CD200R1: variants seen among roughly 807,000 people sequenced by gnomAD.
CD200R1 encodes cell surface glycoprotein CD200 receptor 1.
In CD200R1, 30 loss-of-function variants were observed where a neutral mutation model predicts 38.1. The observed-to-expected ratio is 0.79, with a 90% CI of 0.59 to 1.07. The LOEUF is 1.07. Among genes scored for constraint, CD200R1 ranks in the 50% least tolerant of loss-of-function variants. The probability of loss-of-function intolerance (pLI) is 0.00; values close to 1 mark genes in which losing one functional copy is unlikely to be tolerated. For missense variants in CD200R1, 372 were observed against 415.4 expected, an observed-to-expected ratio of 0.90 and a Z score of 0.91; for synonymous variants, 128 against 152.1, an observed-to-expected ratio of 0.84 and a Z score of 1.16.
intron 3 of CD200R1, among the ~76,000 whole-genome samples, chr3:112,930,847 A>G (rs1427175650): frequency 6.6e-6 from 1 of 152,252 alleles, no homozygotes; most frequent in Non-Finnish European, 1.5e-5. Flanking sequence ...ATACTTTAAC[A>G]TAGATCTGAG....
At chr3:112,967,237 G>A in intron 1 of CD200R1, among the ~76,000 whole-genome samples, 1 of 151,880 alleles carries the variant, frequency 6.6e-6, no homozygotes, top group East Asian at 1.9e-4. Context: ...TTAACCCCTT[G>A]AACTTCAACT....
At chr3:112,945,846 G>A (rs1940838578) in intron 2 of CD200R1, among the ~76,000 whole-genome samples, 1 of 151,970 alleles carries the variant, frequency 6.6e-6, no homozygotes, top group Non-Finnish European at 1.5e-5. Flanking sequence ...TGGCTAACAC[G>A]GTGAAACCCC....
chr3:112,955,281 T>G (rs915059941), intron 1 of CD200R1, among the ~76,000 whole-genome samples: 3 of 152,174 alleles, frequency 2.0e-5, no homozygotes, highest in Admixed American at 6.5e-5. Context: ...AAATGTGATG[T>G]CTCACTGAAC....
intron 1 of CD200R1, among the ~76,000 whole-genome samples, chr3:112,948,842 C>T (rs1402153954): frequency 2.0e-5 from 3 of 152,186 alleles, no homozygotes; most frequent in Non-Finnish European, 4.4e-5. Flanking sequence ...TCATAATAAA[C>T]AATATCCCCT....
At position 112,928,871 on chromosome 3, in the gene CD200R1, G is replaced by A. The variant is rs745820042; in HGVS notation, c.714C>T (p.Thr238=). ...HWEVHNVSTV[T]CHVSHLTGNK... ...TGCCAGTCAAATGGGAGACGTGGCAGGTCACGGTAGACACATTGTGGACCT... is the reference window on the plus strand; with the variant it reads ...TGCCAGTCAAATGGGAGACGTGGCAAGTCACGGTAGACACATTGTGGACCT... The change falls in exon 5 of 8, where the codon ACC becomes ACT. Residue 238 remains threonine (T), a synonymous_variant. Coordinates refer to ENST00000308611, the MANE Select transcript of CD200R1 (RefSeq NM_138806.4). The A allele has an allele frequency of 1.9e-6, 3 of 1,613,940 alleles. No individual in the cohort carries two copies. The highest frequency in any genetic ancestry group is 2.5e-6 in the Non-Finnish European group (3 of 1,179,996).
intron 2 of CD200R1, among the ~76,000 whole-genome samples, chr3:112,933,753 T>A (rs184905350): frequency 1.3e-3 from 191 of 152,074 alleles, no homozygotes; most frequent in Admixed American, 2.6e-3. Context: ...AGGAAAACAA[T>A]TTGTGATTTA....
At chr3:112,926,313 G>A (rs568868660) in intron 5 of CD200R1, among the ~76,000 whole-genome samples, 2 of 152,272 alleles carry the variant, frequency 1.3e-5, no homozygotes, top group African/African-American at 4.8e-5. Flanking sequence ...GAGCAGGCTG[G>A]CCTCTGGTCC....
Position 112,921,573 on chromosome 3 carries a change from C to T in CD200R1, c.*2104G>A, listed in dbSNP as rs914707494. On this transcript the variant is annotated 3_prime_UTR_variant, in exon 8 of 8. Transcript: ENST00000308611. ...AATGTTATTTGTAAAATGTAATCGA[C>T]TATGTAAGTAATCACACCTAACTCC... 6.6e-6 allele frequency: 1 copy of T among 151,954 alleles called. No individual in the cohort carries two copies. The highest frequency in any genetic ancestry group is 1.5e-5 in the Non-Finnish European group (1 of 67,960). 9.4% of individuals were successfully genotyped at this position (151,954 alleles called of 1,614,324 possible).
chr3:112,957,533 T>G (rs531457791), intron 1 of CD200R1, among the ~76,000 whole-genome samples: 1 of 152,330 alleles, frequency 6.6e-6, no homozygotes, highest in Non-Finnish European at 1.5e-5. Context: ...AAGCTAAAAC[T>G]GTAATACCCC....
chr3:112,957,342 A>G (rs1392529838), intron 1 of CD200R1, among the ~76,000 whole-genome samples: 2 of 152,084 alleles, frequency 1.3e-5, no homozygotes, highest in East Asian at 3.8e-4. Flanking sequence ...TTTGTGCTCC[A>G]CCCTCCAACC....
Position 112,929,749 on chromosome 3 carries a change from A to AT in CD200R1, c.203-243dup, listed in dbSNP as rs987983329. On this transcript the variant is annotated intron_variant, in intron 3 of 7. Transcript: ENST00000308611. ...TTAGAAATATGATATATAATAAAGTATTTTTTATATTAATGGAGAAGTTTT... is the reference window on the plus strand; with the variant it reads ...TTAGAAATATGATATATAATAAAGTATTTTTTTATATTAATGGAGAAGTTTT... 1.8e-4 allele frequency among the ~76,000 whole-genome samples: 28 copies of AT among 152,086 alleles called. 1 individual carries two copies. Among genetic ancestry groups the AT allele is most frequent in the Admixed American group, 1.8e-3 (28 of 15,270 alleles).
chr3:112,946,797 G>A (rs1225696360), intron 2 of CD200R1, among the ~76,000 whole-genome samples: 1 of 152,144 alleles, frequency 6.6e-6, no homozygotes, highest in Non-Finnish European at 1.5e-5. Flanking sequence ...TTTACCCTAA[G>A]AGTTGAAAAC....
Position 112,931,160 on chromosome 3 carries a change from A to T in CD200R1, c.148T>A (p.Leu50Ile). 2 of 1,601,236 alleles carry T rather than the reference A, an allele frequency of 1.2e-6. No homozygotes were observed. Among genetic ancestry groups the T allele is most frequent in the Non-Finnish European group, 1.7e-6 (2 of 1,168,280 alleles). The part of the protein sequence containing the change: ...KENHALASSS[L>I]CMDEKQITQN... ...GTAATCTGTTTTTCATCCATACATAAACTGCTTGAAGCTAGAAAATATTTA... is the reference window on the plus strand; with the variant it reads ...GTAATCTGTTTTTCATCCATACATATACTGCTTGAAGCTAGAAAATATTTA... Residue 50 changes from leucine (L) to isoleucine (I), a missense_variant, in exon 3 of 8, where the codon TTA (leucine) becomes ATA (isoleucine). Physicochemically the swap from Leu to Ile is conservative, Grantham distance 5. Coordinates refer to ENST00000308611, the MANE Select transcript of CD200R1 (RefSeq NM_138806.4).
intron 2 of CD200R1, among the ~76,000 whole-genome samples, chr3:112,943,785 A>G (rs556656490): frequency 6.6e-6 from 1 of 151,958 alleles, no homozygotes; most frequent in African/African-American, 2.4e-5. Context: ...ATTAACACAG[A>G]TGCCATTTAC....
In CD200R1 at chr3:112,931,090, T is replaced by C; in HGVS notation, c.202+16A>G. ...TCCATCCCTAGGTGCTGGCCACTAG[T>C]AAGGAAGCATATTACCTTCTGCGAG... On this transcript the variant is annotated intron_variant, in intron 3 of 7. Transcript: ENST00000308611. 6.3e-7 allele frequency: 1 copy of C among 1,589,496 alleles called. No individual in the cohort carries two copies. Among genetic ancestry groups the C allele is most frequent in the South Asian group, 1.1e-5 (1 of 90,536 alleles).
At chr3:112,928,231 G>A (rs576186950) in intron 5 of CD200R1, among the ~76,000 whole-genome samples, 4 of 152,124 alleles carry the variant, frequency 2.6e-5, no homozygotes, top group Non-Finnish European at 5.9e-5. Context: ...GAAAGACAGG[G>A]GTAGAGCTAA....
intron 2 of CD200R1, among the ~76,000 whole-genome samples, chr3:112,935,350 G>A (rs909704726): frequency 6.6e-6 from 1 of 152,096 alleles, no homozygotes; most frequent in Non-Finnish European, 1.5e-5. Context: ...CACAAAACAA[G>A]TCTCAAATAA....
At chr3:112,955,540 G>T (rs1296025752) in intron 1 of CD200R1, among the ~76,000 whole-genome samples, 12 of 142,148 alleles carry the variant, frequency 8.4e-5, no homozygotes, top group Non-Finnish European at 1.8e-4. Flanking sequence ...ACGGAGTTTC[G>T]CTCTGTCACC....
intron 2 of CD200R1, among the ~76,000 whole-genome samples, chr3:112,933,865 T>G (rs114601276): frequency 0.021 from 3,260 of 152,094 alleles, 40 homozygotes; most frequent in South Asian, 0.047. Context: ...AACAACAGCA[T>G]AGAAAACGTA....
Sources: allele counts gnomAD v4.1 joint callset (sites outside exome capture counted in the v4.1 genomes callset), GRCh38; gene constraint gnomAD v4.1.1; transcripts MANE v1.5; gene names NCBI Gene and HGNC (gene_info 2026-07-23, HGNC 2026-07-21).